SLC36A3: variants seen among roughly 807,000 people sequenced by gnomAD.
SLC36A3 encodes proton-coupled amino acid transporter 3.
In SLC36A3, 35 loss-of-function variants were observed where a neutral mutation model predicts 44.3. The ratio of observed to expected loss-of-function variants is 0.79; its 90% CI spans 0.60 to 1.05. SLC36A3 has a LOEUF of 1.05. SLC36A3 is among the 50% of genes least tolerant of loss of function. SLC36A3 has a pLI of 0.00. For synonymous variants in SLC36A3, 211 were observed against 227.6 expected (o/e 0.93, Z 0.66); for missense variants, 540 against 578.7 (o/e 0.93, Z 0.69).
chr5:151,282,111 G>GTTTTTTTTTTT (rs70976011), intron 8 of SLC36A3, among the ~76,000 whole-genome samples: 6 of 56,104 alleles, frequency 1.1e-4, no homozygotes, highest in East Asian at 7.6e-4. Flanking sequence ...CTTTTTCTTT[G>GTTTTTTTTTTT]TTTTTTTTTT....
At chr5:151,283,037 A>G (rs750662406) in intron 8 of SLC36A3, among the ~76,000 whole-genome samples, 2 of 151,630 alleles carry the variant, frequency 1.3e-5, no homozygotes, top group Non-Finnish European at 2.9e-5. Flanking sequence ...GGCTCACACC[A>G]CCACGCCCAG....
chr5:151,287,233 C>G lies in SLC36A3; in HGVS notation c.708+13G>C, dbSNP rs1164413887. The G allele has an allele frequency of 6.2e-7, 1 of 1,613,872 alleles. No homozygotes were observed. On this transcript the variant is annotated intron_variant, in intron 6 of 9. Coordinates refer to ENST00000335230, the MANE Select transcript of SLC36A3 (RefSeq NM_181774.4). Reference sequence around the variant, plus strand: ...ACCCAGGACCCTGATCCTTTCTTCCCTATGGCACAGACCTCCATGATATAC... The same window carrying G: ...ACCCAGGACCCTGATCCTTTCTTCCGTATGGCACAGACCTCCATGATATAC...
intron 2 of SLC36A3, 78 bp downstream of exon 2, chr5:151,298,515 A>T: frequency 7.2e-7 from 1 of 1,394,718 alleles, no homozygotes; most frequent in Middle Eastern, 1.8e-4. Context: ...CATTGATAAC[A>T]GTGTGAAGGC....
rs532824537 is a variant in SLC36A3, at chr5:151,284,419, T to C, written c.807+194A>G. On this transcript the variant is annotated intron_variant, in intron 7 of 9. Transcript: ENST00000335230. ...TACTTAGTCTTGGTTGATTAGTAAA[T>C]TCTCAGTCTTCAATGCTTAGCGTGG... Among the ~76,000 whole-genome samples the C allele has an allele frequency of 1.0e-3, 156 of 152,314 alleles. 1 individual carries two copies. Among genetic ancestry groups the C allele is most frequent in the Non-Finnish European group, 3.5e-4 (24 of 68,024 alleles).
intron 9 of SLC36A3, among the ~76,000 whole-genome samples, chr5:151,278,594 T>C (rs1754191084): frequency 6.6e-6 from 1 of 152,198 alleles, no homozygotes; most frequent in Admixed American, 6.5e-5. Flanking sequence ...ATTCCAATCA[T>C]ATGATTTTCC....
intron 9 of SLC36A3, among the ~76,000 whole-genome samples, chr5:151,279,768 T>C (rs1382403839): frequency 6.6e-6 from 1 of 152,198 alleles, no homozygotes. Context: ...TATTATCTGA[T>C]AGTATGTTCT....
At chr5:151,299,564 G>A (rs1755102699) in intron 1 of SLC36A3, among the ~76,000 whole-genome samples, 1 of 152,062 alleles carries the variant, frequency 6.6e-6, no homozygotes, top group African/African-American at 2.4e-5. Flanking sequence ...TGCCCAGGCA[G>A]CTCCAATCCT....
chr5:151,283,914 A>C (rs1754427385), intron 8 of SLC36A3, 130 bp downstream of exon 8: 2 of 1,173,028 alleles, frequency 1.7e-6, no homozygotes, highest in African/African-American at 1.6e-5. Flanking sequence ...CAGTGTGAGC[A>C]GGAGAGACAT....
chr5:151,277,232 G>T lies in SLC36A3; in HGVS notation c.*161C>A. ...AAACCAAAAGAGGTGTAGCCTGAGAGACATCAGTGCTAACTTTTCTCATCT... is the reference window on the plus strand; with the variant it reads ...AAACCAAAAGAGGTGTAGCCTGAGATACATCAGTGCTAACTTTTCTCATCT... On this transcript the variant is annotated 3_prime_UTR_variant, in exon 10 of 10. Transcript: ENST00000335230. 1 of 968,178 alleles carries T rather than the reference G, an allele frequency of 1.0e-6. No individual in the cohort carries two copies. Among genetic ancestry groups the T allele is most frequent in the South Asian group, 1.8e-5 (1 of 55,078 alleles). The allele number at this position is 968,178 out of a possible 1,614,324, so 60.0% of individuals were successfully genotyped here. A position where few individuals can be genotyped will look rare whatever the true frequency, so the allele number is the denominator to read the frequency against.
At chr5:151,296,538 C>CTA in intron 2 of SLC36A3, 5 of 499,750 alleles carry the variant, frequency 1.0e-5, no homozygotes, top group Non-Finnish European at 1.8e-5. Flanking sequence ...TTCTCATTTT[C>CTA]CTTGAGTTCT....
At chr5:151,292,558 AAGAC>A (rs1754799264) in intron 4 of SLC36A3, among the ~76,000 whole-genome samples, 1 of 152,248 alleles carries the variant, frequency 6.6e-6, no homozygotes, top group South Asian at 2.1e-4. Context: ...CAGAGGAACT[AAGAC>A]AGAGAAAACC....
intron 4 of SLC36A3, among the ~76,000 whole-genome samples, chr5:151,289,950 A>G (rs779210683): frequency 6.6e-6 from 1 of 152,148 alleles, no homozygotes; most frequent in Non-Finnish European, 1.5e-5. Context: ...CCACTCACTG[A>G]TGTTCCTTGC....
intron 4 of SLC36A3, among the ~76,000 whole-genome samples, chr5:151,292,815 C>T (rs6878666): frequency 0.026 from 3,951 of 152,280 alleles, 156 homozygotes; most frequent in African/African-American, 0.085. Context: ...GAAACCCTGT[C>T]TCTACTAAAA....
intron 1 of SLC36A3, 55 bp downstream of exon 1, chr5:151,303,172 T>C (rs1755222964): frequency 6.4e-7 from 1 of 1,570,526 alleles, no homozygotes; most frequent in Non-Finnish European, 8.6e-7. Context: ...TAGTCCAGAG[T>C]TGCAAAAACA....
rs76951164 is a variant in SLC36A3, at chr5:151,303,690, A to C, written c.-336T>G. On this transcript the variant is annotated 5_prime_UTR_variant, in exon 1 of 10. Transcript: ENST00000335230. ...AGTTTAGCCCTTGCTGCTGTAGGGC[A>C]AAGTGAACAGTGTGACTGGGAGGAA... is the stretch of plus-strand genomic sequence containing the variant. The C allele has an allele frequency of 7.1e-3, 1,581 of 222,922 alleles. 67 individuals carry two copies. In the East Asian group the frequency reaches 0.092, roughly 13 times the overall value. The allele number at this position is 222,922 out of a possible 1,614,324, so 13.8% of individuals were successfully genotyped here.
At chr5:151,299,258 C>A (rs946071131) in intron 1 of SLC36A3, among the ~76,000 whole-genome samples, 6,453 of 65,712 alleles carry the variant, frequency 0.098, 209 homozygotes, top group East Asian at 0.22. Flanking sequence ...CTCTCTCTCT[C>A]TCTCTCTATA....
At chr5:151,301,068 A>G (rs1261914758) in intron 1 of SLC36A3, among the ~76,000 whole-genome samples, 1 of 152,202 alleles carries the variant, frequency 6.6e-6, no homozygotes, top group Admixed American at 6.5e-5. Flanking sequence ...TGCCTTTGCA[A>G]AATTATAACT....
chr5:151,293,419 A>T lies in SLC36A3; in HGVS notation c.349T>A (p.Tyr117Asn). 2 of 1,613,884 alleles carry T rather than the reference A, an allele frequency of 1.2e-6. No homozygotes were observed. Among genetic ancestry groups the T allele is most frequent in the Non-Finnish European group, 1.7e-6 (2 of 1,179,874 alleles). Reference sequence around the variant, plus strand: ...GTGTTCGGGCAGGTTTCAAGGCCGTACATCGTGGCCTCTCCATAGTTCACA... The same window carrying T: ...GTGTTCGGGCAGGTTTCAAGGCCGTTCATCGTGGCCTCTCCATAGTTCACA... Reference protein sequence around the residue: ...TFVNYGEATMYGLETCPNTWL... With the variant: ...TFVNYGEATMNGLETCPNTWL... Residue 117 changes from tyrosine (Y) to asparagine (N), a missense_variant, in exon 4 of 10, where the codon TAC (tyrosine) becomes AAC (asparagine). Transcript: ENST00000335230.
At position 151,296,183 on chromosome 5, in the gene SLC36A3, T is replaced by A; in HGVS notation, c.305A>T (p.Gln102Leu). 1 of 1,614,084 alleles carries A rather than the reference T, an allele frequency of 6.2e-7. No individual in the cohort carries two copies. Among genetic ancestry groups the A allele is most frequent in the Non-Finnish European group, 8.5e-7 (1 of 1,179,976 alleles). The change falls in exon 3 of 10, where the codon CAG becomes CTG. Residue 102 changes from glutamine (Q) to leucine (L), a missense_variant. Transcript: ENST00000335230. ...GAGAGAGAAGCAGGCCTCTGACCTC[T>A]GGCTGAGGTGTTGAGCACAGTTCAA... is the stretch of plus-strand genomic sequence containing the variant. ...ILLNCAQHLSQRLQKTFVNYG... is the reference protein window; with the variant it reads ...ILLNCAQHLSLRLQKTFVNYG...
Sources: allele counts gnomAD v4.1 joint callset (sites outside exome capture counted in the v4.1 genomes callset), GRCh38; gene constraint gnomAD v4.1.1; transcripts MANE v1.5; gene names NCBI Gene and HGNC (gene_info 2026-07-23, HGNC 2026-07-21).